Variants in ANKMY1 observed in about 807,000 individuals in gnomAD.
The protein encoded by ANKMY1 is ankyrin repeat and MYND domain containing 1, also known as ankyrin repeat and MYND domain-containing protein 1.
In ANKMY1, 98 loss-of-function variants were observed where a neutral mutation model predicts 102.0. That is an observed-to-expected ratio of 0.96 (90% CI 0.82 to 1.14). The LOEUF (loss-of-function observed/expected upper bound fraction) is 1.14. Among genes scored for constraint, ANKMY1 ranks in the 50% most tolerant of loss-of-function variants. The pLI is 0.00. For synonymous variants in ANKMY1, 582 were observed against 559.9 expected, an observed-to-expected ratio of 1.04 and a Z score of -0.56; for missense variants, 1,330 against 1,347.6, an observed-to-expected ratio of 0.99 and a Z score of 0.20.
At chr2:240,551,793 G>A (rs915427968) in intron 4 of ANKMY1, among the ~76,000 whole-genome samples, 4 of 152,166 alleles carry the variant, frequency 2.6e-5, no homozygotes, top group African/African-American at 7.2e-5. Flanking sequence ...AAAAAGGGGG[G>A]ACTGAAACCA....
chr2:240,534,529 G>A (rs916733543), intron 4 of ANKMY1, among the ~76,000 whole-genome samples: 5 of 152,020 alleles, frequency 3.3e-5, no homozygotes, highest in Non-Finnish European at 5.9e-5. Context: ...CTGAGCCCAG[G>A]AGGTCAATGC....
chr2:240,503,804 T>G (rs1367951591), intron 13 of ANKMY1, among the ~76,000 whole-genome samples: 2 of 152,186 alleles, frequency 1.3e-5, no homozygotes, highest in Non-Finnish European at 2.9e-5. Context: ...TATTTGGACA[T>G]AGGGTCGTTG....
intron 3 of ANKMY1, 191 bp from the exon 4 acceptor site, chr2:240,553,248 A>G (rs2125135292): frequency 1.6e-6 from 1 of 636,482 alleles, no homozygotes; most frequent in Non-Finnish European, 2.7e-6. Context: ...CCAGGCAGTC[A>G]GCCTGATAGC....
At chr2:240,508,064 G>A (rs916432698) in intron 12 of ANKMY1, among the ~76,000 whole-genome samples, 1 of 152,254 alleles carries the variant, frequency 6.6e-6, no homozygotes, top group African/African-American at 2.4e-5. Context: ...CCCAGCACAG[G>A]GTTAGGAGCA....
upstream of ANKMY1, chr2:240,560,675 G>A (rs2092902488): frequency 6.6e-7 from 1 of 1,510,672 alleles, no homozygotes; most frequent in East Asian, 2.7e-5. Context: ...CAGACTCTTC[G>A]GCGGGCGCCA....
chr2:240,527,096 A>T, intron 5 of ANKMY1: 6 of 353,598 alleles, frequency 1.7e-5, no homozygotes, highest in South Asian at 1.3e-4. Context: ...GGGTGGGTGG[A>T]TGAATGGATG....
At chr2:240,512,287 A>G (rs1020700371) in intron 10 of ANKMY1, among the ~76,000 whole-genome samples, 3 of 152,154 alleles carry the variant, frequency 2.0e-5, no homozygotes, top group Non-Finnish European at 2.9e-5. Flanking sequence ...CGTGCGCTCA[A>G]TGGCTCCTGC....
chr2:240,527,539 A>G (rs1174620175), intron 5 of ANKMY1: 1 of 139,234 alleles, frequency 7.2e-6, no homozygotes, highest in Non-Finnish European at 1.6e-5. Context: ...TGATGGATGA[A>G]TGGATGGAAA....
At chr2:240,511,575 G>A (rs375951263) in intron 11 of ANKMY1, among the ~76,000 whole-genome samples, 10 of 152,376 alleles carry the variant, frequency 6.6e-5, no homozygotes, top group East Asian at 1.9e-4. Flanking sequence ...AGCACCAGAC[G>A]GTCACAGCCC....
In ANKMY1 at chr2:240,520,401, C is replaced by T. The variant is rs775506447; in HGVS notation, c.1965G>A (p.Leu655=). ...AGDVDGVRLL[L]EHGARTDICF... ...AGATGTCGGTCCTCGCCCCGTGCTC[C>T]AGCAGCAGCCTCACCCCATCCACGT... Residue 655 remains leucine (L), a synonymous_variant, in exon 9 of 18, where the codon CTG becomes CTA. Transcript: ENST00000401804. This position sits in a 1 kb window ranked among gnomAD's most constrained non-coding sequence, Gnocchi z 4.8. 8.1e-6 allele frequency: 13 copies of T among 1,598,000 alleles called. No individual in the cohort carries two copies. The Middle Eastern group carries it at 5.0e-4, about 61-fold the overall frequency.
Position 240,524,285 on chromosome 2 carries a change from C to T in ANKMY1, c.1432G>A (p.Gly478Ser). ...GGCGGTGGCCTCAGCTCATAGCTAC[C>T]CTGGGAAGGCACGTTCACCTCATAG... ...LYYEVNVPSQ[G>S]SYELRPPPAP... Residue 478 changes from glycine (G) to serine (S), a missense_variant, in exon 8 of 18, where the codon GGT becomes AGT. Coordinates refer to ENST00000401804, the MANE Select transcript of ANKMY1 (RefSeq NM_001282771.3). 1 of 1,613,808 alleles carries T rather than the reference C, an allele frequency of 6.2e-7. No homozygotes were observed. Among genetic ancestry groups the T allele is most frequent in the Middle Eastern group, 1.6e-4 (1 of 6,062 alleles).
intron 15 of ANKMY1, among the ~76,000 whole-genome samples, chr2:240,494,207 T>C (rs1280102342): frequency 6.6e-6 from 1 of 151,846 alleles, no homozygotes; most frequent in Admixed American, 6.5e-5. Context: ...GCAGGTGGAG[T>C]GCTCAGGTGA....
intron 4 of ANKMY1, among the ~76,000 whole-genome samples, chr2:240,533,684 T>C (rs1197047739): frequency 6.7e-6 from 1 of 150,196 alleles, no homozygotes; most frequent in Non-Finnish European, 1.5e-5. Context: ...CAGGTCTAAA[T>C]GACCAGTGAC....
chr2:240,507,775 A>G lies in ANKMY1; in HGVS notation c.2395-84T>C, dbSNP rs1227283468. On this transcript the variant is annotated intron_variant, in intron 12 of 17. Coordinates refer to ENST00000401804, the MANE Select transcript of ANKMY1 (RefSeq NM_001282771.3). The stretch of plus-strand genomic sequence containing the variant: ...GAAGGCCCCAGGGCTGGGCCACTCC[A>G]GAACTAACCCCTGAAAGCAGGGGCT... 3.4e-6 allele frequency: 5 copies of G among 1,454,166 alleles called. No individual in the cohort carries two copies. In the Admixed American group the frequency reaches 1.2e-4, roughly 36 times the overall value. The allele number at this position is 1,454,166 out of a possible 1,614,324, so 90.1% of individuals were successfully genotyped here.
chr2:240,531,300 C>T (rs765465497), intron 4 of ANKMY1, among the ~76,000 whole-genome samples: 19 of 152,152 alleles, frequency 1.2e-4, no homozygotes, highest in Non-Finnish European at 2.2e-4. Context: ...AAATGCAAAA[C>T]GGCACAGTCG....
intron 8 of ANKMY1, chr2:240,522,908 C>T (rs1028107857): frequency 2.6e-5 from 4 of 152,198 alleles, no homozygotes; most frequent in Non-Finnish European, 5.9e-5. Flanking sequence ...ATGTAAATTT[C>T]GCCAGCAACA....
intron 6 of ANKMY1, 107 bp from the exon 7 acceptor site, chr2:240,525,956 G>C: frequency 7.3e-7 from 1 of 1,370,110 alleles, no homozygotes; most frequent in South Asian, 1.3e-5. Context: ...TGGCAGGGCA[G>C]GAACCAGTGC....
upstream of ANKMY1, chr2:240,560,622 G>A (rs538115940): frequency 6.1e-5 from 85 of 1,399,010 alleles, no homozygotes; most frequent in East Asian, 2.4e-3. Flanking sequence ...AGACTCCTGG[G>A]CGGGCGCCTG....
the ANKMY1 span, among the ~76,000 whole-genome samples, chr2:240,473,087 G>T: frequency 1.4e-5 from 2 of 139,348 alleles, no homozygotes; most frequent in African/African-American, 5.4e-5. Context: ...TTGTGCCACT[G>T]TACTCCAGCC....
Sources: allele counts gnomAD v4.1 joint callset (sites outside exome capture counted in the v4.1 genomes callset), GRCh38; gene constraint gnomAD v4.1.1; non-coding constraint Gnocchi (gnomAD v3.1); transcripts MANE v1.5; gene names NCBI Gene and HGNC (gene_info 2026-07-23, HGNC 2026-07-21).